The following BMP2K variants were observed in gnomAD, a reference collection of about 807,000 sequenced individuals.
The protein encoded by BMP2K is BMP2 inducible kinase, also known as BMP-2-inducible protein kinase.
In BMP2K, 74 loss-of-function variants were observed where a neutral mutation model predicts 116.0. The ratio of observed to expected loss-of-function variants is 0.64; its 90% CI spans 0.53 to 0.77. BMP2K has a LOEUF of 0.77. Among genes scored for constraint, BMP2K ranks in the 30% least tolerant of loss-of-function variants. The probability of loss-of-function intolerance (pLI) is 0.00; values close to 1 mark genes in which losing one functional copy is unlikely to be tolerated. For missense variants in BMP2K, 1,365 were observed against 1,403.6 expected (o/e 0.97, Z 0.44); for synonymous variants, 486 against 502.5 (o/e 0.97, Z 0.44).
intron 15 of BMP2K, among the ~76,000 whole-genome samples, chr4:78,896,197 C>G (rs1029341397): frequency 1.3e-5 from 2 of 152,198 alleles, no homozygotes; most frequent in Admixed American, 6.5e-5. Flanking sequence ...ATCCTACTGT[C>G]ACTGCCAGAG....
intron 15 of BMP2K, among the ~76,000 whole-genome samples, chr4:78,904,598 C>T (rs1054336322): frequency 1.3e-5 from 2 of 151,902 alleles, no homozygotes; most frequent in Non-Finnish European, 1.5e-5. Flanking sequence ...GAATTTAGCT[C>T]TGAATGAATT....
At chr4:78,796,486 T>C (rs1392681304) in intron 1 of BMP2K, among the ~76,000 whole-genome samples, 1 of 151,870 alleles carries the variant, frequency 6.6e-6, no homozygotes, top group African/African-American at 2.4e-5. Flanking sequence ...TGTATACATA[T>C]GTAACTAACC....
At position 78,823,597 on chromosome 4, in the gene BMP2K, T is replaced by C. The variant is rs1357618423; in HGVS notation, c.179-2440T>C. ...ATATAGTTATATATAGGTATATATG[T>C]AGGTATATATATAGGTGTATATATA... On this transcript the variant is annotated intron_variant, in intron 1 of 15. Coordinates refer to ENST00000502613, the MANE Select transcript of BMP2K (RefSeq NM_198892.2). Among the ~76,000 whole-genome samples, 9 of 148,022 alleles carry C rather than the reference T, an allele frequency of 6.1e-5. No individual in the cohort carries two copies. In the Admixed American group the frequency reaches 6.1e-4, roughly 10 times the overall value.
At chr4:78,795,670 A>G (rs145521977) in intron 1 of BMP2K, among the ~76,000 whole-genome samples, 7,260 of 152,082 alleles carry the variant, frequency 0.048, 607 homozygotes, top group African/African-American at 0.17. Context: ...AGAATCTACA[A>G]TGAACTCTAA....
At chr4:78,901,915 G>C (rs1357132481) in intron 15 of BMP2K, among the ~76,000 whole-genome samples, 1 of 152,154 alleles carries the variant, frequency 6.6e-6, no homozygotes, top group Non-Finnish European at 1.5e-5. Flanking sequence ...AAAGACCCTA[G>C]ACCCACCTCG....
At chr4:78,850,793 T>G in intron 6 of BMP2K, 131 bp from the exon 7 acceptor site, 1 of 805,912 alleles carries the variant, frequency 1.2e-6, no homozygotes, top group Non-Finnish European at 1.8e-6. Context: ...TTAATTTTTT[T>G]AAGAAATAAT....
chr4:78,852,192 G>A lies in BMP2K; in HGVS notation c.883+1136G>A, dbSNP rs561218468. Among the ~76,000 whole-genome samples, 7 of 152,080 alleles carry A rather than the reference G, an allele frequency of 4.6e-5. No individual in the cohort carries two copies. The South Asian group carries it at 1.2e-3, about 27-fold the overall frequency. ...TAATGTGGGAGTGGGGTGGGGTTATGTGTGTTTGTAATGTGAGATGGAAAA... is the reference window on the plus strand; with the variant it reads ...TAATGTGGGAGTGGGGTGGGGTTATATGTGTTTGTAATGTGAGATGGAAAA... On this transcript the variant is annotated intron_variant, in intron 7 of 15. Transcript: ENST00000502613.
At chr4:78,879,493 A>G in intron 14 of BMP2K, 1 of 873,232 alleles carries the variant, frequency 1.1e-6, no homozygotes, top group Non-Finnish European at 1.4e-6. Flanking sequence ...TACCTAATAT[A>G]TGTCAAGCTT....
chr4:78,789,032 A>ATG (rs1727880483), intron 1 of BMP2K, among the ~76,000 whole-genome samples: 6 of 152,088 alleles, frequency 3.9e-5, no homozygotes, highest in Admixed American at 3.3e-4. Flanking sequence ...ATAGGAAACA[A>ATG]TGTGTAAGAA....
Position 78,878,738 on chromosome 4 carries a change from G to T in BMP2K, c.1798G>T (p.Val600Phe). Residue 600 changes from valine (V) to phenylalanine (F), a missense_variant, in exon 14 of 16, where the codon GTT (valine) becomes TTT (phenylalanine). Physicochemically the swap from Val to Phe is conservative, Grantham distance 50 (BLOSUM62 -1). This residue lies in a region of BMP2K where 762 missense variants were observed against 756.7 expected (regional missense o/e 1.01). Transcript: ENST00000502613. ...CTTACTCAATTATTACTATAGGTCAGTTGCTGATAAAGAGGCCATTGCAAA... is the reference window on the plus strand; with the variant it reads ...CTTACTCAATTATTACTATAGGTCATTTGCTGATAAAGAGGCCATTGCAAA... ...MDSSYSANRSVADKEAIANFT... is the reference protein window; with the variant it reads ...MDSSYSANRSFADKEAIANFT... 1 of 1,605,650 alleles carries T rather than the reference G, an allele frequency of 6.2e-7. No individual in the cohort carries two copies. Among genetic ancestry groups the T allele is most frequent in the African/African-American group, 1.3e-5 (1 of 74,526 alleles).
intron 1 of BMP2K, among the ~76,000 whole-genome samples, chr4:78,820,379 A>T (rs1383852484): frequency 1.3e-5 from 2 of 152,252 alleles, no homozygotes; most frequent in South Asian, 4.1e-4. Context: ...TTTCATGATG[A>T]TGAGCCTTGA....
Position 78,826,174 on chromosome 4 carries a change from C to T in BMP2K, c.297+19C>T. ...AATTATGGTAAGTGAAGGAGTAGTT[C>T]TCTTTCAGAAATTTTGCAAGTTTTT... On this transcript the variant is annotated intron_variant, in intron 2 of 15. Coordinates refer to ENST00000502613, the MANE Select transcript of BMP2K (RefSeq NM_198892.2). 1 of 1,572,728 alleles carries T rather than the reference C, an allele frequency of 6.4e-7. No homozygotes were observed. The highest frequency in any genetic ancestry group is 8.7e-7 in the Non-Finnish European group (1 of 1,146,628).
intron 2 of BMP2K, among the ~76,000 whole-genome samples, chr4:78,832,009 A>G (rs1462827077): frequency 6.6e-6 from 1 of 152,148 alleles, no homozygotes; most frequent in Non-Finnish European, 1.5e-5. Flanking sequence ...TAATTATAGC[A>G]TCTTTATTTT....
chr4:78,870,768 T>C lies in BMP2K; in HGVS notation c.1232-15T>C. ...TCATTAGTATGTTAATGTAAGTGTT[T>C]GGACCTGTCTTTAGGGGCACTAAGA... On this transcript the variant is annotated splice_polypyrimidine_tract_variant and intron_variant, in intron 10 of 15. Transcript: ENST00000502613. The C allele has an allele frequency of 3.1e-6, 5 of 1,606,972 alleles. No homozygotes were observed. Among genetic ancestry groups the C allele is most frequent in the Non-Finnish European group, 3.4e-6 (4 of 1,175,178 alleles).
At chr4:78,854,823 T>C (rs1577929267) in intron 7 of BMP2K, among the ~76,000 whole-genome samples, 1 of 152,144 alleles carries the variant, frequency 6.6e-6, no homozygotes, top group Admixed American at 6.6e-5. Flanking sequence ...TAAATTTTCA[T>C]GTACCTCATG....
At chr4:78,826,001 G>T (rs777131361) in intron 1 of BMP2K, 36 bp from the exon 2 acceptor site, 1 of 1,491,712 alleles carries the variant, frequency 6.7e-7, no homozygotes, top group Non-Finnish European at 9.3e-7. Context: ...ATTTGTTTTT[G>T]TTTCTTTTAA....
intron 15 of BMP2K, among the ~76,000 whole-genome samples, chr4:78,900,426 G>A (rs1733938849): frequency 6.6e-6 from 1 of 152,168 alleles, no homozygotes; most frequent in Admixed American, 6.6e-5. Context: ...GACTGAAAGT[G>A]AAGGAAGGAG....
At chr4:78,800,118 T>G (rs1728496887) in intron 1 of BMP2K, among the ~76,000 whole-genome samples, 1 of 152,184 alleles carries the variant, frequency 6.6e-6, no homozygotes, top group Non-Finnish European at 1.5e-5. Flanking sequence ...TTGTAGAGTG[T>G]GCTTTTCTTT....
chr4:78,856,050 A>G (rs886780344), intron 7 of BMP2K, among the ~76,000 whole-genome samples: 18 of 152,130 alleles, frequency 1.2e-4, no homozygotes, highest in Non-Finnish European at 2.1e-4. Context: ...TTTCCCCAAA[A>G]GCGTATTTTG....
Sources: gnomAD v4.1 joint callset for allele counts (sites outside exome capture counted in the v4.1 genomes callset) on GRCh38, gnomAD v4.1.1 for gene constraint, gnomAD v4.1.1 regional missense constraint, MANE v1.5 for transcripts, NCBI Gene and HGNC (gene_info 2026-07-23, HGNC 2026-07-21) for gene names.